Variants in CSPP1 observed in about 807,000 individuals in gnomAD.
CSPP1 encodes the protein centrosome and spindle pole associated protein 1, also known as centrosome and spindle pole-associated protein 1.
CSPP1 carries 126 observed loss-of-function variants against 164.4 expected under a neutral mutation model. That is an observed-to-expected ratio of 0.77 (90% CI 0.66 to 0.89). The LOEUF is 0.89. Ranked by LOEUF, CSPP1 falls within the 40% of genes least tolerant of loss-of-function variation. The pLI is 0.00. For synonymous variants in CSPP1, 472 were observed against 476.7 expected (o/e 0.99, Z 0.13); for missense variants, 1,395 against 1,449.8 (o/e 0.96, Z 0.61).
chr8:67,160,293 C>T (rs529482628), intron 21 of CSPP1, among the ~76,000 whole-genome samples: 1 of 151,244 alleles, frequency 6.6e-6, no homozygotes, highest in African/African-American at 2.4e-5. Context: ...GGTGAAACCC[C>T]GTCTCTATAA....
At chr8:67,114,902 G>A (rs982120748) in intron 12 of CSPP1, 7 of 152,124 alleles carry the variant, frequency 4.6e-5, no homozygotes, top group Admixed American at 6.6e-5. Context: ...CAACAGTTAC[G>A]CCTTTACTTT....
At position 67,164,522 on chromosome 8, in the gene CSPP1, T is replaced by C; in HGVS notation, c.2828+14T>C. ...AATTCCTATCAGGCAAGTTTAGAAT[T>C]GCAGTTTTTGTGTTCGCTTGAGTTC... On this transcript the variant is annotated intron_variant, in intron 24 of 30. Coordinates refer to ENST00000678616, the MANE Select transcript of CSPP1 (RefSeq NM_001382391.1). The C allele has an allele frequency of 7.9e-7, 1 of 1,269,464 alleles. No individual in the cohort carries two copies. The highest frequency in any genetic ancestry group is 1.5e-5 in the African/African-American group (1 of 68,146). The allele number at this position is 1,269,464 out of a possible 1,614,324, so 78.6% of individuals were successfully genotyped here.
chr8:67,115,286 G>A (rs565465497), intron 12 of CSPP1: 1 of 152,220 alleles, frequency 6.6e-6, no homozygotes, highest in Non-Finnish European at 1.5e-5. Flanking sequence ...ATTAATATCT[G>A]ACTCTAGTCT....
At chr8:67,177,840 CG>C (rs2129569719) in intron 27 of CSPP1, 114 bp downstream of exon 27, 1 of 788,930 alleles carries the variant, frequency 1.3e-6, no homozygotes, top group East Asian at 2.5e-5. Flanking sequence ...GAATTAAGAA[CG>C]TAAGTCTTAT....
At chr8:67,184,117 T>C (rs1833767220) in intron 28 of CSPP1, among the ~76,000 whole-genome samples, 1 of 152,148 alleles carries the variant, frequency 6.6e-6, no homozygotes, top group Non-Finnish European at 1.5e-5. Context: ...CCTCCCAAAG[T>C]GCTGGGATTA....
At position 67,182,518 on chromosome 8, in the gene CSPP1, A is replaced by G. The variant is rs559375152; in HGVS notation, c.3220+2592A>G. Among the ~76,000 whole-genome samples, 72 of 152,352 alleles carry G rather than the reference A, an allele frequency of 4.7e-4. 1 individual carries two copies. Among genetic ancestry groups the G allele is most frequent in the Non-Finnish European group, 9.0e-4 (61 of 68,032 alleles). ...TATACACTAAGAGATAGCATTTGCT[A>G]GATCATATAGTAATTCTATTTTTAA... On this transcript the variant is annotated intron_variant, in intron 28 of 30. Transcript: ENST00000678616.
At chr8:67,078,584 C>G (rs1314563291) in intron 3 of CSPP1, among the ~76,000 whole-genome samples, 2 of 152,150 alleles carry the variant, frequency 1.3e-5, no homozygotes, top group Non-Finnish European at 2.9e-5. Flanking sequence ...TGGTCTCGAA[C>G]TCGCTAGCTC....
At chr8:67,151,715 G>C (rs572952832) in intron 18 of CSPP1, among the ~76,000 whole-genome samples, 1 of 151,390 alleles carries the variant, frequency 6.6e-6, no homozygotes, top group African/African-American at 2.4e-5. Context: ...TAAGAATTGA[G>C]TAAAAAAAAA....
At chr8:67,144,825 T>C (rs940247182) in intron 17 of CSPP1, among the ~76,000 whole-genome samples, 10 of 151,880 alleles carry the variant, frequency 6.6e-5, no homozygotes, top group Admixed American at 1.3e-4. Context: ...TCCCAGCACA[T>C]TGGGAGGCTG....
In CSPP1 at chr8:67,121,771, A is replaced by G. The variant is rs572186400; in HGVS notation, c.1697+2950A>G. 1.9e-3 allele frequency among the ~76,000 whole-genome samples: 285 copies of G among 152,278 alleles called. 4 individuals carry two copies. The highest frequency in any genetic ancestry group is 6.6e-3 in the African/African-American group (274 of 41,580). On this transcript the variant is annotated intron_variant, in intron 15 of 30. Transcript: ENST00000678616. ...AATGTTTGATAGAATTCACCAGTGAAACCATAAGGTACAGGGCTTTTCTTT... is the reference window on the plus strand; with the variant it reads ...AATGTTTGATAGAATTCACCAGTGAGACCATAAGGTACAGGGCTTTTCTTT...
intron 28 of CSPP1, among the ~76,000 whole-genome samples, chr8:67,186,033 ATGTGAAGAAT>A (rs1258485054): frequency 3.3e-5 from 5 of 152,244 alleles, no homozygotes; most frequent in African/African-American, 1.2e-4. Flanking sequence ...TTCATTAATT[ATGTGAAGAAT>A]TGCTTCTGGA....
intron 18 of CSPP1, among the ~76,000 whole-genome samples, chr8:67,153,153 G>A (rs1255727609): frequency 6.6e-6 from 1 of 152,150 alleles, no homozygotes; most frequent in Non-Finnish European, 1.5e-5. Context: ...AGTGAGCCGA[G>A]ATCATGCCAC....
intron 7 of CSPP1, among the ~76,000 whole-genome samples, chr8:67,099,592 T>A (rs1813599097): frequency 6.6e-6 from 1 of 152,148 alleles, no homozygotes; most frequent in African/African-American, 2.4e-5. Context: ...AATGTTGAGA[T>A]GATTGAATAG....
At chr8:67,179,803 A>C in intron 27 of CSPP1, 60 bp from the exon 28 acceptor site, 1 of 1,166,874 alleles carries the variant, frequency 8.6e-7, no homozygotes, top group Non-Finnish European at 1.3e-6. Flanking sequence ...TCTTAGTATA[A>C]ATTTGTTGTT....
chr8:67,149,478 A>G (rs568473479), intron 17 of CSPP1, among the ~76,000 whole-genome samples: 3 of 152,270 alleles, frequency 2.0e-5, no homozygotes, highest in Non-Finnish European at 4.4e-5. Flanking sequence ...TATTTTTTCT[A>G]TATTAAAGAA....
At chr8:67,138,098 G>A (rs1475345949) in intron 17 of CSPP1, among the ~76,000 whole-genome samples, 1 of 152,132 alleles carries the variant, frequency 6.6e-6, no homozygotes, top group Non-Finnish European at 1.5e-5. Flanking sequence ...TTTCTAGCAA[G>A]TTTCATAATT....
chr8:67,084,636 G>A (rs756309513), intron 3 of CSPP1, among the ~76,000 whole-genome samples: 2 of 152,010 alleles, frequency 1.3e-5, no homozygotes, highest in African/African-American at 2.4e-5. Flanking sequence ...CTACTCGGGA[G>A]GCTGAGATGG....
chr8:67,100,262 A>C (rs1318398880), intron 7 of CSPP1, among the ~76,000 whole-genome samples: 1 of 152,294 alleles, frequency 6.6e-6, no homozygotes, highest in Admixed American at 6.5e-5. Flanking sequence ...CTTATACATA[A>C]ATAAAATCAT....
At chr8:67,120,175 C>T (rs539223553) in intron 15 of CSPP1, among the ~76,000 whole-genome samples, 1 of 152,286 alleles carries the variant, frequency 6.6e-6, no homozygotes, top group Admixed American at 6.5e-5. Flanking sequence ...AATCATTTGA[C>T]CAAATATACG....
Sources: gnomAD v4.1 joint callset for allele counts (sites outside exome capture counted in the v4.1 genomes callset) on GRCh38, gnomAD v4.1.1 for gene constraint, MANE v1.5 for transcripts, NCBI Gene and HGNC (gene_info 2026-07-23, HGNC 2026-07-21) for gene names.